RBFOX1: variants seen among roughly 807,000 people sequenced by gnomAD.
RBFOX1 encodes the protein RNA binding fox-1 homolog 1.
RBFOX1 carries 8 observed loss-of-function variants against 57.7 expected under a neutral mutation model. That is an observed-to-expected ratio of 0.14 (90% confidence interval 0.08 to 0.25). The LOEUF (loss-of-function observed/expected upper bound fraction) is 0.25. Among genes scored for constraint, RBFOX1 ranks in the 10% least tolerant of loss-of-function variants. The pLI is 1.00. For missense variants in RBFOX1, 611 were observed against 548.5 expected, an observed-to-expected ratio of 1.11 and a Z score of -1.14; for synonymous variants, 326 against 222.4, an observed-to-expected ratio of 1.47 and a Z score of -4.15.
chr16:7,358,406 G>GTGTTTTTTGGTTTT (rs1568394955), intron 4 of RBFOX1, among the ~76,000 whole-genome samples: 1 of 151,866 alleles, frequency 6.6e-6, no homozygotes, highest in Admixed American at 6.6e-5. Context: ...AAGTATTTTT[G>GTGTTTTTTGGTTTT]TGTTTTTTGT....
At chr16:7,699,421 G>T (rs974222922) in intron 14 of RBFOX1, among the ~76,000 whole-genome samples, 5 of 152,096 alleles carry the variant, frequency 3.3e-5, no homozygotes, top group African/African-American at 1.2e-4. Context: ...CAAACTCCTG[G>T]CCTCAAGCCA....
chr16:6,177,769 G>T (rs910522696), intron 1 of RBFOX1, among the ~76,000 whole-genome samples: 2 of 152,018 alleles, frequency 1.3e-5, no homozygotes, highest in Non-Finnish European at 2.9e-5. Context: ...GCACGCAGTC[G>T]GTTAAGGAGA....
intron 2 of RBFOX1, among the ~76,000 whole-genome samples, chr16:6,452,918 G>A (rs569042928): frequency 1.3e-5 from 2 of 152,254 alleles, no homozygotes; most frequent in South Asian, 2.1e-4. Flanking sequence ...GCACCTAGAA[G>A]GTGCTCATTA....
chr16:6,047,335 G>A (rs1005196217), intron 1 of RBFOX1, among the ~76,000 whole-genome samples: 6 of 152,204 alleles, frequency 3.9e-5, no homozygotes, highest in Non-Finnish European at 5.9e-5. Flanking sequence ...GCAGGATGCC[G>A]TGCATGAGGA....
chr16:6,967,001 C>G (rs2084396056), intron 3 of RBFOX1, among the ~76,000 whole-genome samples: 1 of 151,990 alleles, frequency 6.6e-6, no homozygotes, highest in East Asian at 1.9e-4. Flanking sequence ...ATACATCCCT[C>G]TTTTATTTCT....
At chr16:6,365,616 G>T (rs2089462893) in intron 2 of RBFOX1, among the ~76,000 whole-genome samples, 1 of 152,172 alleles carries the variant, frequency 6.6e-6, no homozygotes, top group Admixed American at 6.5e-5. Flanking sequence ...TTGTGGTTAA[G>T]ACCATAAGGA....
chr16:6,232,173 C>T (rs1456809974), intron 1 of RBFOX1, among the ~76,000 whole-genome samples: 1 of 152,124 alleles, frequency 6.6e-6, no homozygotes, highest in African/African-American at 2.4e-5. Flanking sequence ...CATAATTGGA[C>T]ACAGTGGGGA....
intron 4 of RBFOX1, among the ~76,000 whole-genome samples, chr16:7,403,070 A>T (rs914297330): frequency 2.6e-5 from 4 of 152,136 alleles, no homozygotes; most frequent in Non-Finnish European, 5.9e-5. Flanking sequence ...TTATCTGACC[A>T]CTTCTTTTTA....
intron 3 of RBFOX1, among the ~76,000 whole-genome samples, chr16:6,990,821 A>G (rs948298209): frequency 2.0e-5 from 3 of 152,150 alleles, no homozygotes; most frequent in Admixed American, 6.5e-5. Context: ...GATACATATC[A>G]GTGAGTGCTG....
At chr16:7,172,609 A>G (rs545510083) in intron 4 of RBFOX1, among the ~76,000 whole-genome samples, 6 of 152,262 alleles carry the variant, frequency 3.9e-5, no homozygotes, top group African/African-American at 1.4e-4. Context: ...GAAAAAAAAA[A>G]GAAAACTCTC....
intron 2 of RBFOX1, among the ~76,000 whole-genome samples, chr16:5,504,913 C>T (rs750545454): frequency 2.0e-5 from 3 of 152,134 alleles, no homozygotes; most frequent in Non-Finnish European, 2.9e-5. Flanking sequence ...TAGAGACAGA[C>T]AGTGAATCCC....
chr16:6,767,822 G>A (rs2154208710), intron 3 of RBFOX1, among the ~76,000 whole-genome samples: 1 of 151,870 alleles, frequency 6.6e-6, no homozygotes, highest in South Asian at 2.1e-4. Flanking sequence ...GCTCAGGCAG[G>A]AGAATCGCTT....
intron 3 of RBFOX1, among the ~76,000 whole-genome samples, chr16:6,845,611 A>C (rs1281440541): frequency 6.6e-6 from 1 of 152,070 alleles, no homozygotes; most frequent in African/African-American, 2.4e-5. Flanking sequence ...TAAATCATAC[A>C]TTTTATCAGG....
chr16:7,214,783 C>T (rs1467977463), intron 4 of RBFOX1, among the ~76,000 whole-genome samples: 1 of 152,134 alleles, frequency 6.6e-6, no homozygotes, highest in Non-Finnish European at 1.5e-5. Flanking sequence ...AATCTCACCC[C>T]TGCAAAATGA....
At chr16:6,950,447 C>G (rs1042428636) in intron 3 of RBFOX1, among the ~76,000 whole-genome samples, 1 of 152,132 alleles carries the variant, frequency 6.6e-6, no homozygotes, top group Non-Finnish European at 1.5e-5. Flanking sequence ...GTTTGGTATC[C>G]TAGTGCCTGG....
chr16:6,452,230 C>T (rs977001831), intron 2 of RBFOX1, among the ~76,000 whole-genome samples: 1 of 151,462 alleles, frequency 6.6e-6, no homozygotes, highest in East Asian at 2.0e-4. Context: ...ACCCATGGCT[C>T]CTTCCTTCCA....
At chr16:7,111,297 A>G (rs1238911378) in intron 4 of RBFOX1, among the ~76,000 whole-genome samples, 1 of 152,212 alleles carries the variant, frequency 6.6e-6, no homozygotes, top group Non-Finnish European at 1.5e-5. Context: ...TTCCTAGCTA[A>G]TCAATGAAGA....
chr16:6,311,358 G>T (rs1203062487), intron 1 of RBFOX1, among the ~76,000 whole-genome samples: 1 of 151,478 alleles, frequency 6.6e-6, no homozygotes, highest in Non-Finnish European at 1.5e-5. Flanking sequence ...TTCTTGTTAG[G>T]CTCACTCAAC....
intron 1 of RBFOX1, among the ~76,000 whole-genome samples, chr16:6,049,948 CTTAAAACG>C (rs2095535355): frequency 2.0e-5 from 3 of 146,486 alleles, no homozygotes; most frequent in Non-Finnish European, 3.0e-5. Flanking sequence ...TAAAAAAAAG[CTTAAAACG>C]TTTTTTTTTT....
Sources: allele counts gnomAD v4.1 joint callset (sites outside exome capture counted in the v4.1 genomes callset), GRCh38; gene constraint gnomAD v4.1.1; transcripts MANE v1.5; gene names NCBI Gene and HGNC (gene_info 2026-07-23, HGNC 2026-07-21).